Variants in DNAH3 observed in about 807,000 individuals in gnomAD.
DNAH3 encodes the protein dynein axonemal heavy chain 3, also known as axonemal beta dynein heavy chain 3.
DNAH3 carries 332 observed loss-of-function variants against 432.5 expected under a neutral mutation model. That is an observed-to-expected ratio of 0.77 (90% CI 0.70 to 0.84). The LOEUF is 0.84. DNAH3 is among the 40% of genes least tolerant of loss of function. The pLI is 0.00. For synonymous variants in DNAH3, 1,956 were observed against 1,900.2 expected (o/e 1.03, Z -0.76); for missense variants, 4,861 against 5,114.0 (o/e 0.95, Z 1.51).
intron 41 of DNAH3, among the ~76,000 whole-genome samples, chr16:21,005,011 A>AT (rs2087206892): frequency 6.6e-6 from 1 of 152,122 alleles, no homozygotes; most frequent in Non-Finnish European, 1.5e-5. Context: ...TCTTATGTTT[A>AT]TATTTCAATA....
At chr16:20,979,722 T>A (rs2152656771) in intron 49 of DNAH3, among the ~76,000 whole-genome samples, 176 bp from the exon 50 acceptor site, 1 of 152,214 alleles carries the variant, frequency 6.6e-6, no homozygotes, top group East Asian at 1.9e-4. Context: ...ATGGGGCAGG[T>A]ACATAGGTGC....
At chr16:21,054,326 C>A in intron 28 of DNAH3, 94 bp downstream of exon 28, 1 of 951,872 alleles carries the variant, frequency 1.1e-6, no homozygotes. Flanking sequence ...AGGAAGGAAA[C>A]CCTGAATTAT....
intron 19 of DNAH3, among the ~76,000 whole-genome samples, chr16:21,086,054 G>T (rs1024327556): frequency 2.0e-5 from 3 of 152,102 alleles, no homozygotes; most frequent in Non-Finnish European, 2.9e-5. Context: ...CACCGTGCCT[G>T]GTCTTGAATG....
chr16:20,969,248 GTATGTC>G, intron 52 of DNAH3, among the ~76,000 whole-genome samples: 1 of 151,262 alleles, frequency 6.6e-6, no homozygotes, highest in Non-Finnish European at 1.5e-5. Context: ...GTGTGTGCAT[GTATGTC>G]TATATGTGCA....
Position 21,134,394 on chromosome 16 carries a change from C to CG in DNAH3, c.946dup (p.Arg316ProfsTer114), listed in dbSNP as rs1167593658. On this transcript the variant is annotated frameshift_variant, in exon 7 of 62. Coordinates refer to ENST00000261383, the Ensembl canonical transcript of DNAH3. LOFTEE classifies it high-confidence loss of function. ...CCGGATCACTCTTTGAGGAAACAAG[C>CG]GGGGGATGCTCTCAATAAAGAGCCG... is the stretch of plus-strand genomic sequence containing the variant. 2.2e-5 allele frequency: 36 copies of CG among 1,614,014 alleles called. No individual in the cohort carries two copies. Among genetic ancestry groups the CG allele is most frequent in the Non-Finnish European group, 2.8e-5 (33 of 1,180,032 alleles).
At chr16:20,944,271 G>A (rs1596884693) in intron 58 of DNAH3, among the ~76,000 whole-genome samples, 1 of 152,186 alleles carries the variant, frequency 6.6e-6, no homozygotes, top group South Asian at 2.1e-4. Flanking sequence ...CAGAAAACAT[G>A]AAGGTTATAC....
chr16:21,113,740 T>C (rs532063588), intron 12 of DNAH3, among the ~76,000 whole-genome samples: 1 of 152,366 alleles, frequency 6.6e-6, no homozygotes, highest in African/African-American at 2.4e-5. Context: ...ATTACAGGCA[T>C]GCATCACCAG....
intron 28 of DNAH3, 27 bp from the exon 29 acceptor site, chr16:21,051,895 G>A (rs754485709): frequency 4.4e-6 from 7 of 1,598,642 alleles, no homozygotes; most frequent in African/African-American, 4.0e-5. Context: ...GCAGAAACAC[G>A]CACACAGAGC....
At chr16:21,105,321 T>C (rs1184859647) in intron 15 of DNAH3, among the ~76,000 whole-genome samples, 1 of 152,228 alleles carries the variant, frequency 6.6e-6, no homozygotes, top group Non-Finnish European at 1.5e-5. Flanking sequence ...TGAGAGGTTA[T>C]TAACTTTTCC....
At chr16:21,083,867 G>C (rs527255687) in intron 19 of DNAH3, among the ~76,000 whole-genome samples, 1 of 152,294 alleles carries the variant, frequency 6.6e-6, no homozygotes, top group East Asian at 1.9e-4. Context: ...AGTCCGGAGA[G>C]TATCTAGGGG....
chr16:21,036,709 C>A lies in DNAH3; in HGVS notation c.5085+5G>T. 6.2e-7 allele frequency: 1 copy of A among 1,613,786 alleles called. No homozygotes were observed. The highest frequency in any genetic ancestry group is 8.5e-7 in the Non-Finnish European group (1 of 1,179,890). ...AGGCACATTTATATGGGCTAAGGAACCAACCTGGATAATTTTCCCTATAAA... is the reference window on the plus strand; with the variant it reads ...AGGCACATTTATATGGGCTAAGGAAACAACCTGGATAATTTTCCCTATAAA... On this transcript the variant is annotated splice_donor_5th_base_variant and intron_variant, in intron 35 of 61. Coordinates refer to ENST00000261383, the Ensembl canonical transcript of DNAH3.
intron 9 of DNAH3, among the ~76,000 whole-genome samples, chr16:21,123,871 C>G (rs963697282): frequency 6.6e-6 from 1 of 152,038 alleles, no homozygotes; most frequent in African/African-American, 2.4e-5. Flanking sequence ...CGGCTCACTG[C>G]AACCTCTGCC....
intron 54 of DNAH3, 31 bp downstream of exon 54, chr16:20,959,148 C>T: frequency 6.2e-7 from 1 of 1,605,938 alleles, no homozygotes; most frequent in Non-Finnish European, 8.5e-7. Flanking sequence ...GGTTGGGTCC[C>T]AGAGAAGGCA....
chr16:20,985,894 C>T (rs1024016391), intron 47 of DNAH3, among the ~76,000 whole-genome samples, 179 bp from the exon 48 acceptor site: 1 of 151,922 alleles, frequency 6.6e-6, no homozygotes, highest in Non-Finnish European at 1.5e-5. Context: ...CTCACTCTGT[C>T]GCCCAGGCTG....
Position 21,104,373 on chromosome 16 carries a change from G to C in DNAH3, c.2366+98C>G. The C allele has an allele frequency of 1.3e-5, 13 of 1,014,732 alleles. 2 individuals carry two copies. In the South Asian group the frequency reaches 1.8e-4, roughly 14 times the overall value. The allele number at this position is 1,014,732 out of a possible 1,614,324, so 62.9% of individuals were successfully genotyped here. On this transcript the variant is annotated intron_variant, in intron 16 of 61. Transcript: ENST00000261383. ...CAGACTTCGCCCACACGTTGCCATG[G>C]AGTGAGCTGGGGGATGGCTTAGACA...
At chr16:20,964,640 T>G (rs201805226) in exon 53 of DNAH3, 2 of 1,614,158 alleles carry the variant, frequency 1.2e-6, no homozygotes, top group Non-Finnish European at 1.7e-6. Flanking sequence ...TGAGGGTCAA[T>G]CATTAAGGCC....
exon 9 of DNAH3, chr16:21,125,330 C>T (rs2092425278): frequency 6.2e-7 from 1 of 1,611,852 alleles, no homozygotes; most frequent in East Asian, 2.2e-5. Flanking sequence ...ATCCAGTGCT[C>T]CTTCCGTGAG....
At chr16:20,958,111 C>T (rs1401452432) in intron 54 of DNAH3, among the ~76,000 whole-genome samples, 12 of 148,362 alleles carry the variant, frequency 8.1e-5, no homozygotes, top group Admixed American at 7.5e-4. Context: ...CTCACTCTGT[C>T]GCCCAGGCTG....
At chr16:21,088,205 A>C (rs888177160) in intron 18 of DNAH3, among the ~76,000 whole-genome samples, 8 of 152,126 alleles carry the variant, frequency 5.3e-5, no homozygotes, top group African/African-American at 1.9e-4. Context: ...ATTTAAATTA[A>C]AAAAAAGTAT....
Sources: allele counts gnomAD v4.1 joint callset (sites outside exome capture counted in the v4.1 genomes callset), GRCh38; gene constraint gnomAD v4.1.1; transcripts MANE v1.5; gene names NCBI Gene and HGNC (gene_info 2026-07-23, HGNC 2026-07-21).